The following SBNO1 variants were observed in gnomAD, a reference collection of about 807,000 sequenced individuals.
SBNO1 encodes protein strawberry notch homolog 1.
A neutral mutation model predicts 173.6 loss-of-function variants in SBNO1; 23 were observed. That is an observed-to-expected ratio of 0.13 (90% CI 0.10 to 0.19). The LOEUF (loss-of-function observed/expected upper bound fraction) is 0.19, where lower values mean the gene tolerates loss of function less well. SBNO1 is among the 10% of genes least tolerant of loss of function. The pLI, the probability that SBNO1 is intolerant of heterozygous loss-of-function variation, is 1.00. For synonymous variants in SBNO1, 632 were observed against 571.5 expected (o/e 1.11, Z -1.51); for missense variants, 1,238 against 1,671.2 (o/e 0.74, Z 4.52).
At chr12:123,317,903 T>A (rs1273140807) in intron 20 of SBNO1, among the ~76,000 whole-genome samples, 1 of 152,222 alleles carries the variant, frequency 6.6e-6, no homozygotes, top group Non-Finnish European at 1.5e-5. Flanking sequence ...CATGAAGCAA[T>A]TATATAAAAT....
intron 30 of SBNO1, among the ~76,000 whole-genome samples, chr12:123,298,971 C>G (rs543085839): frequency 2.6e-4 from 39 of 152,196 alleles, no homozygotes; most frequent in African/African-American, 8.7e-4. Context: ...GCCTGTAACC[C>G]CAGCACTTTG....
chr12:123,330,450 G>A lies in SBNO1; in HGVS notation c.1103C>T (p.Ala368Val). The A allele has an allele frequency of 6.2e-7, 1 of 1,601,060 alleles. No homozygotes were observed. The highest frequency in any genetic ancestry group is 8.5e-7 in the Non-Finnish European group (1 of 1,172,956). ...DAERDLRDIG[A>V]KNILVHSLNK... ...TAACGAATGAACCAAAATGTTTTTT[G>A]CTCCAATATCCCTTAAATCTCTTTC... The change falls in exon 9 of 32, where the codon GCA becomes GTA. Residue 368 changes from alanine (A) to valine (V), a missense_variant. Physicochemically the swap from Ala to Val is moderately conservative, Grantham distance 64 (BLOSUM62 0). Coordinates refer to ENST00000602398, the MANE Select transcript of SBNO1 (RefSeq NM_001167856.3).
intron 31 of SBNO1, 102 bp from the exon 32 acceptor site, chr12:123,296,152 A>G: frequency 1.4e-6 from 1 of 702,934 alleles, no homozygotes; most frequent in Non-Finnish European, 2.4e-6. Flanking sequence ...AGCGTAATGG[A>G]CAAGAAGTTC....
intron 4 of SBNO1, 94 bp from the exon 5 acceptor site, chr12:123,341,182 G>A (rs1343844371): frequency 2.9e-6 from 2 of 683,370 alleles, no homozygotes; most frequent in Non-Finnish European, 4.8e-6. Flanking sequence ...TGCTGCGGTG[G>A]CTCACACCTG....
Position 123,293,629 on chromosome 12 carries a change from T to C in SBNO1, c.*2279A>G, listed in dbSNP as rs2048542845. On this transcript the variant is annotated 3_prime_UTR_variant, in exon 32 of 32. Transcript: ENST00000602398. Reference sequence around the variant, plus strand: ...CTTTTTAATGAGAAAAAAAAATAGCTGTTCTACAAAGAACCTAAGATACAT... The same window carrying C: ...CTTTTTAATGAGAAAAAAAAATAGCCGTTCTACAAAGAACCTAAGATACAT... 6.6e-6 allele frequency: 1 copy of C among 152,162 alleles called. No individual in the cohort carries two copies. Among genetic ancestry groups the C allele is most frequent in the South Asian group, 2.1e-4 (1 of 4,832 alleles). 9.4% of individuals were successfully genotyped at this position (152,162 alleles called of 1,614,324 possible).
chr12:123,325,553 T>C lies in SBNO1; in HGVS notation c.1922A>G (p.Glu641Gly). ...LQSTGEARTL[E>G]ALEEGGGELN... ...TTCTCCCCCGCCCTCTTCCAAAGCT[T>C]CTAATGTTCTAGCTTCTCCTGTAGA... The change falls in exon 15 of 32, where the codon GAA becomes GGA. Residue 641 changes from glutamate (E) to glycine (G), a missense_variant. Transcript: ENST00000602398. The C allele has an allele frequency of 6.2e-7, 1 of 1,613,600 alleles. No homozygotes were observed. The highest frequency in any genetic ancestry group is 8.5e-7 in the Non-Finnish European group (1 of 1,179,594).
chr12:123,361,138 G>T (rs1281215751), intron 1 of SBNO1, among the ~76,000 whole-genome samples: 1 of 152,202 alleles, frequency 6.6e-6, no homozygotes, highest in South Asian at 2.1e-4. Flanking sequence ...CAGCTACTTG[G>T]GAGGCTAAGG....
Position 123,320,570 on chromosome 12 carries a change from T to C in SBNO1, c.2529A>G (p.Thr843=), listed in dbSNP as rs1869831813. The stretch of plus-strand genomic sequence containing the variant: ...GAGCCCTTTCCACAGCATCCTGACT[T>C]GTTATAAGGCTACTGTTACTGTTGG... ...SNTNSNSSLI[T]SQDAVERAQQ... is the part of the protein sequence containing the mutation. Residue 843 remains threonine, a synonymous_variant, in exon 19 of 32, where the codon ACA becomes ACG. Coordinates refer to ENST00000602398, the MANE Select transcript of SBNO1 (RefSeq NM_001167856.3). 6.2e-7 allele frequency: 1 copy of C among 1,614,080 alleles called. No individual in the cohort carries two copies. The highest frequency in any genetic ancestry group is 8.5e-7 in the Non-Finnish European group (1 of 1,179,962).
At chr12:123,363,926 G>A (rs1206599122) in intron 1 of SBNO1, 2 of 985,306 alleles carry the variant, frequency 2.0e-6, no homozygotes, top group Non-Finnish European at 2.4e-6. Flanking sequence ...CGGTTAAACC[G>A]ACCCCAAACC....
Position 123,295,927 on chromosome 12 carries a change from G to C in SBNO1, c.4163C>G (p.Thr1388Ser). The change falls in exon 32 of 32, where the codon ACC (threonine) becomes AGC (serine). Residue 1388 changes from threonine (T) to serine (S), a missense_variant. Physicochemically the swap from Thr to Ser is moderately conservative, Grantham distance 58 (BLOSUM62 1). Transcript: ENST00000602398. ...LWQQHHPQSI[T>S]NLSNA ...TGTTCTTCATGCGTTGCTCAAGTTG[G>C]TGATGCTCTGAGGGTGATGCTGTTG... The C allele has an allele frequency of 1.2e-6, 2 of 1,613,116 alleles. No individual in the cohort carries two copies. Among genetic ancestry groups the C allele is most frequent in the Non-Finnish European group, 1.7e-6 (2 of 1,179,072 alleles).
intron 30 of SBNO1, among the ~76,000 whole-genome samples, chr12:123,299,103 T>A (rs1194596316): frequency 1.3e-5 from 2 of 152,218 alleles, no homozygotes; most frequent in Admixed American, 1.3e-4. Context: ...GTGCGGTGGC[T>A]CACGCCTGTA....
rs1272089642 is a variant in SBNO1 at position 123,290,797 on chromosome 12, G to A, written c.*5111C>T. ...CTGTTGCCCAGGCTGGAGTGCAGTG[G>A]CGCGATCTGGGCTCACTGCAAGCTC... On this transcript the variant is annotated 3_prime_UTR_variant, in exon 32 of 32. Transcript: ENST00000602398. The A allele has an allele frequency of 1.3e-5, 2 of 152,102 alleles. No individual in the cohort carries two copies. The highest frequency in any genetic ancestry group is 4.8e-5 in the African/African-American group (2 of 41,352). The allele number at this position is 152,102 out of a possible 1,614,324, so 9.4% of individuals were successfully genotyped here. A position where few individuals can be genotyped will look rare whatever the true frequency, so the allele number is the denominator to read the frequency against.
At position 123,313,779 on chromosome 12, in the gene SBNO1, T is replaced by C. The variant is rs1868916659; in HGVS notation, c.3121-60A>G. On this transcript the variant is annotated intron_variant, in intron 23 of 31. Coordinates refer to ENST00000602398, the MANE Select transcript of SBNO1 (RefSeq NM_001167856.3). Reference sequence around the variant, plus strand: ...AGCATTTGGATACTCTTCAATCACATGACCACCTAAATACTATAAAAACTA... The same window carrying C: ...AGCATTTGGATACTCTTCAATCACACGACCACCTAAATACTATAAAAACTA... The C allele has an allele frequency of 5.1e-6, 5 of 970,984 alleles. No individual in the cohort carries two copies. In the East Asian group the frequency reaches 1.2e-4, roughly 24 times the overall value. The allele number at this position is 970,984 out of a possible 1,614,324, so 60.1% of individuals were successfully genotyped here. A position where few individuals can be genotyped will look rare whatever the true frequency, so the allele number is the denominator to read the frequency against.
intron 15 of SBNO1, 31 bp downstream of exon 15, chr12:123,325,471 A>C (rs768590580): frequency 1.3e-6 from 2 of 1,507,784 alleles, no homozygotes; most frequent in African/African-American, 2.8e-5. Context: ...CTCAAAAAGA[A>C]ACAAAAACAT....
In SBNO1 at chr12:123,302,876, G is replaced by A; in HGVS notation, c.3793C>T (p.His1265Tyr). 6.2e-7 allele frequency: 1 copy of A among 1,612,918 alleles called. No homozygotes were observed. Among genetic ancestry groups the A allele is most frequent in the Non-Finnish European group, 8.5e-7 (1 of 1,178,950 alleles). The change falls in exon 30 of 32, where the codon CAC (histidine) becomes TAC (tyrosine). Residue 1265 changes from histidine (H) to tyrosine (Y), a missense_variant. By Grantham distance (83) the His-to-Tyr change is moderately conservative. Transcript: ENST00000602398. ...KKVVSDDALM[H>Y]WLDQYNSSAD... ...GATGAATTATACTGATCTAACCAGT[G>A]CATCAGGGCATCATCTGAGACGACC...
At chr12:123,345,683 T>A in intron 3 of SBNO1, 113 bp from the exon 4 acceptor site, 4 of 340,768 alleles carry the variant, frequency 1.2e-5, no homozygotes, top group East Asian at 7.4e-5. Flanking sequence ...TTATTATTGC[T>A]TTTTTTTTTT....
intron 14 of SBNO1, 138 bp downstream of exon 14, chr12:123,326,014 A>G (rs1175333875): frequency 1.7e-6 from 1 of 573,220 alleles, no homozygotes; most frequent in Non-Finnish European, 2.9e-6. Context: ...CATTGCTTTT[A>G]TAATTTTAAG....
At chr12:123,328,084 CT>C in intron 10 of SBNO1, 57 bp from the exon 11 acceptor site, 1 of 1,360,458 alleles carries the variant, frequency 7.4e-7, no homozygotes, top group Non-Finnish European at 1.0e-6. Flanking sequence ...AATCTCCAGT[CT>C]TTCAAGAAGA....
In SBNO1 at chr12:123,294,100, G is replaced by C. The variant is rs2048549946; in HGVS notation, c.*1808C>G. The C allele has an allele frequency of 6.6e-6, 1 of 152,210 alleles. No homozygotes were observed. The highest frequency in any genetic ancestry group is 1.9e-4 in the East Asian group (1 of 5,202). 9.4% of individuals were successfully genotyped at this position (152,210 alleles called of 1,614,324 possible). A position where few individuals can be genotyped will look rare whatever the true frequency, so the allele number is the denominator to read the frequency against. On this transcript the variant is annotated 3_prime_UTR_variant, in exon 32 of 32. Transcript: ENST00000602398. ...ATCACTGCCTGAGATATATGAACTGGACTGAGGATAGAAGTTGCATCCGCT... is the reference window on the plus strand; with the variant it reads ...ATCACTGCCTGAGATATATGAACTGCACTGAGGATAGAAGTTGCATCCGCT...
Sources: allele counts gnomAD v4.1 joint callset (sites outside exome capture counted in the v4.1 genomes callset), GRCh38; gene constraint gnomAD v4.1.1; transcripts MANE v1.5; gene names NCBI Gene and HGNC (gene_info 2026-07-23, HGNC 2026-07-21).